Variants in ESRRG observed in about 807,000 individuals in gnomAD.
ESRRG encodes the protein estrogen-related receptor gamma.
In ESRRG, 13 loss-of-function variants were observed where a neutral mutation model predicts 44.0. The ratio of observed to expected loss-of-function variants is 0.30; its 90% CI spans 0.19 to 0.47. The LOEUF (loss-of-function observed/expected upper bound fraction) is 0.47. ESRRG is among the 20% of genes least tolerant of loss of function. The probability of loss-of-function intolerance (pLI) is 1.00; values close to 1 mark genes in which losing one functional copy is unlikely to be tolerated. For synonymous variants in ESRRG, 215 were observed against 214.6 expected, an observed-to-expected ratio of 1.00 and a Z score of -0.02; for missense variants, 395 against 580.6, an observed-to-expected ratio of 0.68 and a Z score of 3.29.
At chr1:217,031,626 C>A (rs531345340) in intron 1 of ESRRG, among the ~76,000 whole-genome samples, 4 of 152,190 alleles carry the variant, frequency 2.6e-5, no homozygotes, top group African/African-American at 9.7e-5. Context: ...TATGGTTTGG[C>A]TGTGTCCCCA....
chr1:217,080,917 T>C (rs71643441), intron 1 of ESRRG, among the ~76,000 whole-genome samples: 1 of 151,936 alleles, frequency 6.6e-6, no homozygotes, highest in Admixed American at 6.6e-5. Context: ...GACCTCGTGA[T>C]CCGCCCGCCT....
At chr1:217,070,040 A>T (rs7531250) in intron 1 of ESRRG, among the ~76,000 whole-genome samples, 24,202 of 152,100 alleles carry the variant, frequency 0.16, 1,987 homozygotes, top group South Asian at 0.25. Flanking sequence ...CCAAGTTCCT[A>T]TAAGTTGATT....
Position 216,703,683 on chromosome 1 carries a change from GTATGTT to G in ESRRG, c.56+19555_56+19560del, listed in dbSNP as rs1436920224. On this transcript the variant is annotated intron_variant, in intron 1 of 6. Transcript: ENST00000408911. Reference sequence around the variant, plus strand: ...GATGTGTGTGTGTGTGTGTGTGTGTGTATGTTTGTGTGTGTATGTTTCTGTGTGTTT... The same window carrying G: ...GATGTGTGTGTGTGTGTGTGTGTGTGTGTGTGTGTATGTTTCTGTGTGTTT... Among the ~76,000 whole-genome samples the G allele has an allele frequency of 2.5e-3, 366 of 144,864 alleles. 2 individuals carry two copies. The highest frequency in any genetic ancestry group is 8.7e-3 in the African/African-American group (338 of 38,796).
intron 6 of ESRRG, among the ~76,000 whole-genome samples, chr1:216,518,039 CGCGTCCCTG>C (rs2044890883): frequency 6.6e-6 from 1 of 152,112 alleles, no homozygotes; most frequent in African/African-American, 2.4e-5. Context: ...AAAACAGTCA[CGCGTCCCTG>C]GCTCTCATGG....
chr1:216,601,805 G>C (rs2059294338), intron 3 of ESRRG, among the ~76,000 whole-genome samples: 1 of 152,168 alleles, frequency 6.6e-6, no homozygotes, highest in Non-Finnish European at 1.5e-5. Context: ...TATGTTTATA[G>C]CTCCTTAATT....
At chr1:216,789,679 C>G (rs1362681574) in intron 2 of ESRRG, among the ~76,000 whole-genome samples, 5 of 152,068 alleles carry the variant, frequency 3.3e-5, no homozygotes, top group Non-Finnish European at 5.9e-5. Context: ...AAGCTAAGGT[C>G]TGGAGATTAA....
chr1:216,905,962 C>A (rs981477662), intron 2 of ESRRG, among the ~76,000 whole-genome samples: 2 of 152,096 alleles, frequency 1.3e-5, no homozygotes, highest in African/African-American at 4.8e-5. Context: ...TATTGGCCAG[C>A]CTGGTCTCAA....
At chr1:216,907,075 T>G (rs1254415609) in intron 2 of ESRRG, among the ~76,000 whole-genome samples, 1 of 152,172 alleles carries the variant, frequency 6.6e-6, no homozygotes, top group Non-Finnish European at 1.5e-5. Flanking sequence ...ACTGGGAGAA[T>G]CTCCAAGAGC....
At chr1:217,120,581 C>A (rs534672522) in intron 1 of ESRRG, among the ~76,000 whole-genome samples, 1 of 152,254 alleles carries the variant, frequency 6.6e-6, no homozygotes, top group African/African-American at 2.4e-5. Context: ...CAGCGTCTAG[C>A]CCCTACCTCT....
At chr1:216,702,620 A>AAG (rs1264123121) in intron 1 of ESRRG, among the ~76,000 whole-genome samples, 1 of 150,544 alleles carries the variant, frequency 6.6e-6, no homozygotes, top group Admixed American at 6.6e-5. Context: ...AAAAAAAAAA[A>AAG]AAGAAAATTA....
Position 216,568,069 on chromosome 1 carries a change from G to A in ESRRG, c.619C>T (p.Arg207Trp), listed in dbSNP as rs866598529. Residue 207 changes from arginine (R) to tryptophan (W), a missense_variant, in exon 4 of 7, where the codon CGG (arginine) becomes TGG (tryptophan). Around this residue, in one of 5 missense-constraint regions of ESRRG, gnomAD observed 35 missense variants for 120.1 expected, o/e 0.29. Transcript: ENST00000408911. ...GVRLDRVRGG[R>W]QKYKRRIDAE... The stretch of plus-strand genomic sequence containing the variant: ...TCTATCCTGCGCTTGTACTTCTGCC[G>A]ACCTCCACGTACTCTGTCAAGACGC... The A allele has an allele frequency of 5.0e-6, 8 of 1,613,570 alleles. No individual in the cohort carries two copies. Among genetic ancestry groups the A allele is most frequent in the Non-Finnish European group, 6.8e-6 (8 of 1,179,622 alleles).
At chr1:216,917,529 C>T (rs1195569815) in intron 2 of ESRRG, among the ~76,000 whole-genome samples, 1 of 152,178 alleles carries the variant, frequency 6.6e-6, no homozygotes, top group African/African-American at 2.4e-5. Flanking sequence ...GTGACTGACA[C>T]CCAGTAAATA....
chr1:216,892,014 C>T (rs1553685276), intron 2 of ESRRG, among the ~76,000 whole-genome samples: 1 of 151,968 alleles, frequency 6.6e-6, no homozygotes, highest in Non-Finnish European at 1.5e-5. Flanking sequence ...ACTGTGTTGG[C>T]CAGGCTGGTC....
At chr1:217,051,375 T>C (rs1355110509) in intron 1 of ESRRG, among the ~76,000 whole-genome samples, 1 of 152,158 alleles carries the variant, frequency 6.6e-6, no homozygotes, top group East Asian at 1.9e-4. Context: ...ACTGACTCTG[T>C]CCTACTGTTC....
At chr1:216,829,615 C>T (rs367767373) in intron 2 of ESRRG, among the ~76,000 whole-genome samples, 16 of 150,532 alleles carry the variant, frequency 1.1e-4, no homozygotes, top group East Asian at 5.9e-4. Context: ...AATGCAGTGG[C>T]GCCATCTTGG....
chr1:217,028,315 C>A (rs1016956800), intron 1 of ESRRG, among the ~76,000 whole-genome samples: 1 of 152,168 alleles, frequency 6.6e-6, no homozygotes, highest in Non-Finnish European at 1.5e-5. Flanking sequence ...GATGCTCCTG[C>A]TGAAAAGGCT....
chr1:216,944,515 T>C (rs2065763305), intron 1 of ESRRG, among the ~76,000 whole-genome samples: 2 of 152,180 alleles, frequency 1.3e-5, no homozygotes, highest in South Asian at 4.1e-4. Context: ...ATACTATTAA[T>C]GCACCCAAAA....
intron 1 of ESRRG, among the ~76,000 whole-genome samples, chr1:217,126,210 T>C (rs1218528365): frequency 6.6e-6 from 1 of 150,988 alleles, no homozygotes; most frequent in African/African-American, 2.5e-5. Flanking sequence ...CCTACCTACC[T>C]AGCTACCTAC....
At chr1:217,088,072 C>A (rs2092193827) in intron 1 of ESRRG, among the ~76,000 whole-genome samples, 1 of 151,970 alleles carries the variant, frequency 6.6e-6, no homozygotes, top group African/African-American at 2.4e-5. Context: ...AGAGAGAGAA[C>A]CCTGAAACCA....
Sources: allele counts gnomAD v4.1 joint callset (sites outside exome capture counted in the v4.1 genomes callset), GRCh38; gene constraint gnomAD v4.1.1; regional missense constraint gnomAD v4.1.1; transcripts MANE v1.5; gene names NCBI Gene and HGNC (gene_info 2026-07-23, HGNC 2026-07-21).